Variants in ARL3 observed in about 807,000 individuals in gnomAD.
ARL3 encodes ADP-ribosylation factor-like protein 3.
A neutral mutation model predicts 26.0 loss-of-function variants in ARL3; 9 were observed. That is an observed-to-expected ratio of 0.35 (90% CI 0.21 to 0.60). The LOEUF is 0.60. Ranked by LOEUF, ARL3 falls within the 20% of genes least tolerant of loss-of-function variation. The pLI is 0.78. For missense variants in ARL3, 158 were observed against 215.7 expected (o/e 0.73, Z 1.67); for synonymous variants, 71 against 78.4 (o/e 0.91, Z 0.50).
At chr10:102,705,285 T>C in intron 2 of ARL3, 61 bp downstream of exon 2, 1 of 1,484,334 alleles carries the variant, frequency 6.7e-7, no homozygotes, top group Non-Finnish European at 9.1e-7. Context: ...CATTTTGTCT[T>C]TCACATTGCT....
At position 102,689,975 on chromosome 10, in the gene ARL3, G is replaced by A. The variant is rs1483923432; in HGVS notation, c.265-32C>T. 7 of 1,470,230 alleles carry A rather than the reference G, an allele frequency of 4.8e-6. No individual in the cohort carries two copies. The Admixed American group carries it at 6.1e-5, about 13-fold the overall frequency. 91.1% of individuals were successfully genotyped at this position (1,470,230 alleles called of 1,614,324 possible). Reference sequence around the variant, plus strand: ...AGGAAAAGAAGAAGGTTATTTCAGTGAGCAGAGATGGAAAAGACAGGGCAA... The same window carrying A: ...AGGAAAAGAAGAAGGTTATTTCAGTAAGCAGAGATGGAAAAGACAGGGCAA... On this transcript the variant is annotated intron_variant, in intron 3 of 5. Transcript: ENST00000260746.
chr10:102,713,397 C>T (rs774818171), intron 1 of ARL3, among the ~76,000 whole-genome samples: 3 of 152,152 alleles, frequency 2.0e-5, no homozygotes, highest in Non-Finnish European at 4.4e-5. Flanking sequence ...AGCCTTGCCC[C>T]GGATTGAAGT....
At chr10:102,713,752 C>G (rs188692544) in intron 1 of ARL3, among the ~76,000 whole-genome samples, 4 of 152,212 alleles carry the variant, frequency 2.6e-5, no homozygotes, top group Non-Finnish European at 4.4e-5. Context: ...TTCCCTACCC[C>G]CCAGGGGCCC....
chr10:102,688,352 G>C (rs1398324486), intron 4 of ARL3, among the ~76,000 whole-genome samples: 4 of 152,164 alleles, frequency 2.6e-5, no homozygotes, highest in African/African-American at 9.7e-5. Flanking sequence ...GTATGGAAGG[G>C]TGGTGGGTTG....
chr10:102,689,933 A>G lies in ARL3; in HGVS notation c.275T>C (p.Ile92Thr), dbSNP rs748265755. Reference sequence around the variant, plus strand: ...AAATCTTTTTCTGTCTGCACTGTCGATTACATATATCTATAAAGGAAAAGA... The same window carrying G: ...AAATCTTTTTCTGTCTGCACTGTCGGTTACATATATCTATAAAGGAAAAGA... ...FENTDILIYV[I>T]DSADRKRFEE... The change falls in exon 4 of 6, where the codon ATC (isoleucine) becomes ACC (threonine). Residue 92 changes from isoleucine (I) to threonine (T), a missense_variant. Coordinates refer to ENST00000260746, the MANE Select transcript of ARL3 (RefSeq NM_004311.4). 1.3e-6 allele frequency: 2 copies of G among 1,595,612 alleles called. No homozygotes were observed. The highest frequency in any genetic ancestry group is 8.6e-7 in the Non-Finnish European group (1 of 1,169,108).
At chr10:102,698,552 T>C (rs941294184) in intron 3 of ARL3, among the ~76,000 whole-genome samples, 2 of 152,090 alleles carry the variant, frequency 1.3e-5, no homozygotes, top group East Asian at 3.9e-4. Flanking sequence ...ATTATGCAAG[T>C]ATGTGGCTGA....
At chr10:102,713,077 GT>G (rs530168452) in intron 1 of ARL3, among the ~76,000 whole-genome samples, 1 of 22,372 alleles carries the variant, frequency 4.5e-5, no homozygotes, top group Non-Finnish European at 1.3e-4. Context: ...TGGGCATCTA[GT>G]TTTTTTGTTT....
intron 4 of ARL3, among the ~76,000 whole-genome samples, chr10:102,686,741 G>A (rs536018664): frequency 6.6e-6 from 1 of 151,066 alleles, no homozygotes; most frequent in South Asian, 2.1e-4. Flanking sequence ...CTGGGATTAC[G>A]GTGTGAGCCG....
rs1006465701 is a variant in ARL3 at position 102,673,799 on chromosome 10, A to G, written c.*3095T>C. ...CTAAATTATACATTGAGTTTTCCAC[A>G]TGACCAAACACCACATCTCTTCCTT... On this transcript the variant is annotated 3_prime_UTR_variant, in exon 6 of 6. Coordinates refer to ENST00000260746, the MANE Select transcript of ARL3 (RefSeq NM_004311.4). 2 of 152,210 alleles carry G rather than the reference A, an allele frequency of 1.3e-5. No homozygotes were observed. The highest frequency in any genetic ancestry group is 2.4e-5 in the African/African-American group (1 of 41,448). 9.4% of individuals were successfully genotyped at this position (152,210 alleles called of 1,614,324 possible).
intron 1 of ARL3, among the ~76,000 whole-genome samples, chr10:102,713,875 AC>A (rs1286028335): frequency 6.6e-6 from 1 of 152,146 alleles, no homozygotes; most frequent in African/African-American, 2.4e-5. Context: ...CTCCAGACGA[AC>A]CCCACTTTAC....
At chr10:102,694,634 AGT>A (rs2136002865) in intron 3 of ARL3, among the ~76,000 whole-genome samples, 1 of 151,990 alleles carries the variant, frequency 6.6e-6, no homozygotes, top group South Asian at 2.1e-4. Context: ...TGTCAGAGAG[AGT>A]GGGCCATATT....
intron 3 of ARL3, among the ~76,000 whole-genome samples, chr10:102,697,868 T>C (rs1205479436): frequency 6.6e-6 from 1 of 152,058 alleles, no homozygotes; most frequent in South Asian, 2.1e-4. Flanking sequence ...ATAGGTCAAG[T>C]GAGATGAGTA....
chr10:102,686,971 G>A (rs2064190762), intron 4 of ARL3, among the ~76,000 whole-genome samples: 1 of 141,344 alleles, frequency 7.1e-6, no homozygotes, highest in African/African-American at 2.6e-5. Flanking sequence ...CGCCTCCCGG[G>A]TTCAAGCAAT....
At chr10:102,700,001 G>A (rs975093109) in intron 2 of ARL3, among the ~76,000 whole-genome samples, 1 of 152,194 alleles carries the variant, frequency 6.6e-6, no homozygotes, top group Non-Finnish European at 1.5e-5. Context: ...AGGAAAAAGA[G>A]CAGAACTGAG....
chr10:102,708,719 G>A (rs1590129137), intron 1 of ARL3, among the ~76,000 whole-genome samples: 1 of 151,750 alleles, frequency 6.6e-6, no homozygotes, highest in South Asian at 2.1e-4. Context: ...AGCCGGGTAT[G>A]GTGGCACATG....
At chr10:102,680,395 T>G (rs1227998847) in intron 5 of ARL3, among the ~76,000 whole-genome samples, 1 of 152,156 alleles carries the variant, frequency 6.6e-6, no homozygotes, top group Non-Finnish European at 1.5e-5. Context: ...TTTGAATTGA[T>G]TAGCTTCAAT....
intron 5 of ARL3, among the ~76,000 whole-genome samples, chr10:102,678,989 C>A (rs1016322343): frequency 1.3e-5 from 2 of 152,254 alleles, no homozygotes; most frequent in African/African-American, 4.8e-5. Context: ...TGGGCCCCTG[C>A]AGCTGCCGCT....
intron 1 of ARL3, among the ~76,000 whole-genome samples, chr10:102,711,240 G>A (rs778983346): frequency 2.0e-5 from 3 of 151,770 alleles, no homozygotes; most frequent in Non-Finnish European, 4.4e-5. Context: ...AGGAAGAGTG[G>A]GTTCCCACTT....
intron 5 of ARL3, 78 bp downstream of exon 5, chr10:102,685,738 G>T: frequency 1.4e-6 from 2 of 1,449,482 alleles, no homozygotes; most frequent in Non-Finnish European, 1.9e-6. Context: ...TGCCCATCAA[G>T]ATCAGCCCAA....
Sources: gnomAD v4.1 joint callset for allele counts (sites outside exome capture counted in the v4.1 genomes callset) on GRCh38, gnomAD v4.1.1 for gene constraint, MANE v1.5 for transcripts, NCBI Gene and HGNC (gene_info 2026-07-23, HGNC 2026-07-21) for gene names.